GABBR2: variants seen among roughly 807,000 people sequenced by gnomAD.
GABBR2 encodes the protein G-protein coupled receptor 51.
Under a neutral mutation model 105.6 loss-of-function variants are expected in GABBR2, and 23 were observed. The observed-to-expected ratio is 0.22, with a 90% CI of 0.16 to 0.31. The LOEUF (loss-of-function observed/expected upper bound fraction) is 0.31, where lower values mean the gene tolerates loss of function less well. GABBR2 is among the 10% of genes least tolerant of loss of function. The pLI, the probability that GABBR2 is intolerant of heterozygous loss-of-function variation, is 1.00. For missense variants in GABBR2, 734 were observed against 1,245.5 expected, an observed-to-expected ratio of 0.59 and a Z score of 6.18; for synonymous variants, 478 against 499.7, an observed-to-expected ratio of 0.96 and a Z score of 0.58.
intron 1 of GABBR2, among the ~76,000 whole-genome samples, chr9:98,615,693 T>C (rs1416630489): frequency 6.6e-6 from 1 of 152,176 alleles, no homozygotes; most frequent in East Asian, 1.9e-4. Context: ...AAAAAACACA[T>C]GGTGCTGTAC....
chr9:98,589,105 T>G (rs1829114108), intron 1 of GABBR2, among the ~76,000 whole-genome samples: 1 of 152,120 alleles, frequency 6.6e-6, no homozygotes, highest in East Asian at 1.9e-4. Context: ...GAACAAGGGC[T>G]CCTCACTTCT....
chr9:98,460,298 G>T (rs537245368), intron 6 of GABBR2, among the ~76,000 whole-genome samples: 1 of 152,194 alleles, frequency 6.6e-6, no homozygotes, highest in South Asian at 2.1e-4. Context: ...CAAGAGAATT[G>T]CTTGAACCTG....
At chr9:98,471,065 A>C (rs1160329939) in intron 6 of GABBR2, among the ~76,000 whole-genome samples, 1 of 152,128 alleles carries the variant, frequency 6.6e-6, no homozygotes, top group African/African-American at 2.4e-5. Context: ...TTGCTACTGG[A>C]AGATCTGAGA....
intron 1 of GABBR2, among the ~76,000 whole-genome samples, chr9:98,583,830 C>T (rs1402804651): frequency 6.6e-6 from 1 of 152,184 alleles, no homozygotes; most frequent in Admixed American, 6.5e-5. Flanking sequence ...CACATTTTCC[C>T]TTCTCAAATG....
chr9:98,612,615 A>G (rs986153934), intron 1 of GABBR2, among the ~76,000 whole-genome samples: 3 of 152,228 alleles, frequency 2.0e-5, no homozygotes, highest in African/African-American at 7.2e-5. Context: ...TTAAATTCAC[A>G]TTTTGAGGTC....
intron 1 of GABBR2, among the ~76,000 whole-genome samples, chr9:98,636,345 G>T (rs1050199019): frequency 6.6e-6 from 1 of 152,168 alleles, no homozygotes; most frequent in Non-Finnish European, 1.5e-5. Context: ...GGGCCCTCAG[G>T]TCATTTCAGG....
intron 3 of GABBR2, among the ~76,000 whole-genome samples, chr9:98,533,292 G>A (rs1828103406): frequency 6.6e-6 from 1 of 152,042 alleles, no homozygotes; most frequent in Non-Finnish European, 1.5e-5. Context: ...ATCTAACCTA[G>A]GAGTCACCCT....
intron 1 of GABBR2, among the ~76,000 whole-genome samples, chr9:98,614,174 G>C (rs1423567196): frequency 6.6e-6 from 1 of 152,192 alleles, no homozygotes; most frequent in Admixed American, 6.5e-5. Flanking sequence ...CAAAATAAGA[G>C]AGTAGAAATA....
chr9:98,394,058 A>T (rs562074476), intron 9 of GABBR2, 117 bp downstream of exon 9: 2 of 714,804 alleles, frequency 2.8e-6, no homozygotes, highest in South Asian at 3.4e-5. Context: ...TGTGTTGAGG[A>T]TGTTCCCTTG....
At chr9:98,508,217 G>A (rs151208086) in intron 3 of GABBR2, among the ~76,000 whole-genome samples, 22 of 152,330 alleles carry the variant, frequency 1.4e-4, no homozygotes, top group African/African-American at 2.4e-4. Flanking sequence ...ACTAGAAGAC[G>A]GATATTAAGA....
At chr9:98,421,054 G>C (rs913473062) in intron 7 of GABBR2, among the ~76,000 whole-genome samples, 4 of 152,196 alleles carry the variant, frequency 2.6e-5, no homozygotes, top group African/African-American at 9.7e-5. Context: ...CAGTAGAAGA[G>C]AACAGAACCA....
At chr9:98,657,757 C>A (rs1830202638) in intron 1 of GABBR2, among the ~76,000 whole-genome samples, 2 of 152,242 alleles carry the variant, frequency 1.3e-5, no homozygotes, top group African/African-American at 4.8e-5. Flanking sequence ...ATCATGGGAG[C>A]CATTTCCCTC....
At chr9:98,663,945 G>A (rs532359572) in intron 1 of GABBR2, among the ~76,000 whole-genome samples, 1 of 152,256 alleles carries the variant, frequency 6.6e-6, no homozygotes, top group Non-Finnish European at 1.5e-5. Context: ...CACAAACATG[G>A]CCACCTTGTT....
At chr9:98,440,497 T>C (rs983180066) in intron 7 of GABBR2, among the ~76,000 whole-genome samples, 11 of 152,016 alleles carry the variant, frequency 7.2e-5, no homozygotes, top group African/African-American at 2.7e-4. Context: ...TCCAGTCCCT[T>C]ATAGTCCCCC....
At chr9:98,633,483 G>C (rs1294824798) in intron 1 of GABBR2, among the ~76,000 whole-genome samples, 1 of 151,906 alleles carries the variant, frequency 6.6e-6, no homozygotes, top group African/African-American at 2.4e-5. Flanking sequence ...AAAATAGCTG[G>C]GCATGGTGGC....
intron 7 of GABBR2, among the ~76,000 whole-genome samples, chr9:98,428,290 C>T (rs1825735106): frequency 6.6e-6 from 1 of 152,120 alleles, no homozygotes; most frequent in African/African-American, 2.4e-5. Flanking sequence ...AATAGTGTCA[C>T]TGGAGATTCA....
chr9:98,336,654 A>G (rs55683990), intron 13 of GABBR2, among the ~76,000 whole-genome samples: 6,478 of 128,708 alleles, frequency 0.05, 176 homozygotes, highest in Middle Eastern at 0.056. Flanking sequence ...GCAGTGAGCC[A>G]AGATCACGCC....
intron 17 of GABBR2, among the ~76,000 whole-genome samples, chr9:98,294,837 T>C (rs2131337817): frequency 6.6e-6 from 1 of 152,314 alleles, no homozygotes. Context: ...TTGGTAATAA[T>C]GGATTAGTTA....
chr9:98,506,971 C>T (rs760794326), intron 3 of GABBR2, among the ~76,000 whole-genome samples: 1 of 152,198 alleles, frequency 6.6e-6, no homozygotes, highest in Non-Finnish European at 1.5e-5. Context: ...CCCACCACTG[C>T]TCCTCGGAGG....
Sources: allele counts gnomAD v4.1 joint callset (sites outside exome capture counted in the v4.1 genomes callset), GRCh38; gene constraint gnomAD v4.1.1; transcripts MANE v1.5; gene names NCBI Gene and HGNC (gene_info 2026-07-23, HGNC 2026-07-21).